The following ATXN10 variants were observed in gnomAD, a reference collection of about 807,000 sequenced individuals.
ATXN10 encodes ataxin 10, also known as ataxin-10.
In ATXN10, 28 loss-of-function variants were observed where a neutral mutation model predicts 52.9. That is an observed-to-expected ratio of 0.53 (90% CI 0.39 to 0.73). The LOEUF (loss-of-function observed/expected upper bound fraction) is 0.73. ATXN10 is among the 30% of genes least tolerant of loss of function. ATXN10 has a pLI of 0.00. For synonymous variants in ATXN10, 226 were observed against 221.5 expected (o/e 1.02, Z -0.18); for missense variants, 565 against 577.0 (o/e 0.98, Z 0.21).
Position 45,740,711 on chromosome 22 carries a change from CACACACACAT to C in ATXN10, c.1173+175_1173+184del, listed in dbSNP as rs1489905485. ...ACACACACACACACACACACACACA[CACACACACAT>C]ATATATACACACACACACGTGTGTG... On this transcript the variant is annotated intron_variant, in intron 9 of 11. Coordinates refer to ENST00000252934, the MANE Select transcript of ATXN10 (RefSeq NM_013236.4). The C allele has an allele frequency of 1.5e-4, 48 of 327,462 alleles. No individual in the cohort carries two copies. The African/African-American group carries it at 1.5e-3, about 10-fold the overall frequency. The allele number at this position is 327,462 out of a possible 1,614,324, so 20.3% of individuals were successfully genotyped here.
At chr22:45,703,291 A>G (rs9614507) in intron 5 of ATXN10, among the ~76,000 whole-genome samples, 8,317 of 152,200 alleles carry the variant, frequency 0.055, 254 homozygotes, top group African/African-American at 0.083. Flanking sequence ...CCCTTCATAC[A>G]TAATGTGTTA....
chr22:45,759,296 G>T lies in ATXN10; in HGVS notation c.1173+18758G>T, dbSNP rs1926291594. Among the ~76,000 whole-genome samples the T allele has an allele frequency of 6.6e-6, 1 of 152,190 alleles. No homozygotes were observed. Among genetic ancestry groups the T allele is most frequent in the Non-Finnish European group, 1.5e-5 (1 of 68,044 alleles). On this transcript the variant is annotated intron_variant, in intron 9 of 11. Coordinates refer to ENST00000252934, the MANE Select transcript of ATXN10 (RefSeq NM_013236.4). The surrounding 1 kb of genome is among the most constrained non-coding windows in gnomAD (Gnocchi z 5.4). ...GGAGGCTGAGGTGGGCGGATCACCT[G>T]AGGTCAGGAGTTCAAGACCAGCCTG...
At chr22:45,817,527 G>A (rs1392273833) in intron 10 of ATXN10, among the ~76,000 whole-genome samples, 5 of 152,092 alleles carry the variant, frequency 3.3e-5, no homozygotes, top group East Asian at 1.9e-4. Context: ...GTTTCACCAC[G>A]TTGGCCAGAC....
chr22:45,686,677 G>A (rs1375280494), intron 1 of ATXN10, among the ~76,000 whole-genome samples: 1 of 152,044 alleles, frequency 6.6e-6, no homozygotes, highest in East Asian at 1.9e-4. Flanking sequence ...AAATTAGCCG[G>A]GCGTGGTGGC....
rs556297814 is a variant in ATXN10, at chr22:45,710,559, T to G, written c.647+7712T>G. Among the ~76,000 whole-genome samples the G allele has an allele frequency of 3.3e-5, 5 of 152,326 alleles. No individual in the cohort carries two copies. The East Asian group carries it at 9.6e-4, about 29-fold the overall frequency. On this transcript the variant is annotated intron_variant, in intron 5 of 11. Coordinates refer to ENST00000252934, the MANE Select transcript of ATXN10 (RefSeq NM_013236.4). ...TTGGTTGCTAGAATGTAGGACTAGC[T>G]CCATAAGGCCCTGGAGTTTGTCCTG...
rs1928065829 is a variant in ATXN10 at position 45,805,362 on chromosome 22, A to G, written c.1174-1597A>G. 1.3e-5 allele frequency among the ~76,000 whole-genome samples: 2 copies of G among 152,240 alleles called. No individual in the cohort carries two copies. The highest frequency in any genetic ancestry group is 4.1e-4 in the South Asian group (2 of 4,822). ...TTGACTCCTAGGTATATACCCAAGAACAATGAATACTTATATCCACTCAAA... is the reference window on the plus strand; with the variant it reads ...TTGACTCCTAGGTATATACCCAAGAGCAATGAATACTTATATCCACTCAAA... On this transcript the variant is annotated intron_variant, in intron 9 of 11. Coordinates refer to ENST00000252934, the MANE Select transcript of ATXN10 (RefSeq NM_013236.4). This position sits in a 1 kb window ranked among gnomAD's most constrained non-coding sequence, Gnocchi z 4.4.
At chr22:45,740,720 A>ACGTGTGTGTGTGTGTG in intron 9 of ATXN10, 182 bp downstream of exon 9, 1 of 413,044 alleles carries the variant, frequency 2.4e-6, no homozygotes, top group Non-Finnish European at 4.2e-6. Context: ...ACACACACAC[A>ACGTGTGTGTGTGTGTG]TATATATACA....
Position 45,790,793 on chromosome 22 carries a change from C to T in ATXN10, c.1174-16166C>T, listed in dbSNP as rs1927481420. ...TAGAACACAGTGCGTTTTCATTCCT[C>T]TTTATATCTTTTTATCCTGACCTTC... On this transcript the variant is annotated intron_variant, in intron 9 of 11. Transcript: ENST00000252934. This position sits in a 1 kb window ranked among gnomAD's most constrained non-coding sequence, Gnocchi z 4.7. 6.6e-6 allele frequency among the ~76,000 whole-genome samples: 1 copy of T among 152,200 alleles called. No homozygotes were observed. Among genetic ancestry groups the T allele is most frequent in the African/African-American group, 2.4e-5 (1 of 41,450 alleles).
chr22:45,712,094 A>G lies in ATXN10; in HGVS notation c.648-6319A>G, dbSNP rs1924271756. On this transcript the variant is annotated intron_variant, in intron 5 of 11. Transcript: ENST00000252934. The surrounding 1 kb of genome is among the most constrained non-coding windows in gnomAD (Gnocchi z 4.6). ...GGTAATAACCAGATGGATGTTTTTGAGGCATGCAAGTGGCTCTTTTTGGGT... is the reference window on the plus strand; with the variant it reads ...GGTAATAACCAGATGGATGTTTTTGGGGCATGCAAGTGGCTCTTTTTGGGT... 6.6e-6 allele frequency among the ~76,000 whole-genome samples: 1 copy of G among 152,184 alleles called. No individual in the cohort carries two copies. The highest frequency in any genetic ancestry group is 2.4e-5 in the African/African-American group (1 of 41,450).
At position 45,757,695 on chromosome 22, in the gene ATXN10, A is replaced by C. The variant is rs1483770479; in HGVS notation, c.1173+17157A>C. On this transcript the variant is annotated intron_variant, in intron 9 of 11. Coordinates refer to ENST00000252934, the MANE Select transcript of ATXN10 (RefSeq NM_013236.4). This position sits in a 1 kb window ranked among gnomAD's most constrained non-coding sequence, Gnocchi z 4.6. ...ACACATAGGATTCAATACATTTTTC[A>C]TATGCTGACCTTATAAGTCATATTG... 6.6e-6 allele frequency among the ~76,000 whole-genome samples: 1 copy of C among 152,076 alleles called. No individual in the cohort carries two copies. Among genetic ancestry groups the C allele is most frequent in the Non-Finnish European group, 1.5e-5 (1 of 68,032 alleles).
At chr22:45,717,154 T>TCTTCTTGCCCCCTGTCTGTCACC (rs1924479644) in intron 5 of ATXN10, among the ~76,000 whole-genome samples, 3 of 152,186 alleles carry the variant, frequency 2.0e-5, no homozygotes, top group African/African-American at 7.2e-5. Context: ...GCCTGTTTGA[T>TCTTCTTGCCCCCTGTCTGTCACC]CTTCTTGCCC....
chr22:45,800,752 A>G (rs136011), intron 9 of ATXN10, among the ~76,000 whole-genome samples: 10,352 of 152,320 alleles, frequency 0.068, 1,062 homozygotes, highest in African/African-American at 0.23. Context: ...GAAATAAACA[A>G]AAATCAATGA....
At position 45,769,964 on chromosome 22, in the gene ATXN10, A is replaced by T. The variant is rs1926719079; in HGVS notation, c.1173+29426A>T. 6.6e-6 allele frequency among the ~76,000 whole-genome samples: 1 copy of T among 152,232 alleles called. No individual in the cohort carries two copies. Among genetic ancestry groups the T allele is most frequent in the South Asian group, 2.1e-4 (1 of 4,836 alleles). ...TTGTCACTCTATAAATACAGTTCTAAATAAAGGTTCTCAGATGCAGTTTCA... is the reference window on the plus strand; with the variant it reads ...TTGTCACTCTATAAATACAGTTCTATATAAAGGTTCTCAGATGCAGTTTCA... On this transcript the variant is annotated intron_variant, in intron 9 of 11. Coordinates refer to ENST00000252934, the MANE Select transcript of ATXN10 (RefSeq NM_013236.4). The surrounding 1 kb of genome is among the most constrained non-coding windows in gnomAD (Gnocchi z 4.2).
At chr22:45,793,585 C>A in intron 9 of ATXN10, 2 of 1,310,694 alleles carry the variant, frequency 1.5e-6, no homozygotes. Context: ...AATTCTGGAG[C>A]CTGCACCTTC....
chr22:45,702,815 T>TG lies in ATXN10; in HGVS notation c.616dup (p.Ala206GlyfsTer7). 6.2e-7 allele frequency: 1 copy of TG among 1,613,966 alleles called. No individual in the cohort carries two copies. The highest frequency in any genetic ancestry group is 1.1e-5 in the South Asian group (1 of 91,072). ...TCAATATTGCAATTGATGTCATAGATGCTTACCAAAAACATCCTGAATCAG... is the reference window on the plus strand; with the variant it reads ...TCAATATTGCAATTGATGTCATAGATGGCTTACCAAAAACATCCTGAATCAG... On this transcript the variant is annotated frameshift_variant, in exon 5 of 12. Transcript: ENST00000252934. LOFTEE classifies it high-confidence loss of function.
chr22:45,707,175 T>C (rs933204940), intron 5 of ATXN10, among the ~76,000 whole-genome samples: 2 of 152,202 alleles, frequency 1.3e-5, no homozygotes, highest in Non-Finnish European at 2.9e-5. Context: ...TCCATATCTT[T>C]TGCACATAGT....
rs930956905 is a variant in ATXN10, at chr22:45,774,999, G to T, written c.1174-31960G>T. On this transcript the variant is annotated intron_variant, in intron 9 of 11. Transcript: ENST00000252934. This position sits in a 1 kb window ranked among gnomAD's most constrained non-coding sequence, Gnocchi z 6.2. ...GGAGAAACACTAAAGTTTTTTGTTTGTTTGTTTTGCCTTTTCCCCATCCCT... is the reference window on the plus strand; with the variant it reads ...GGAGAAACACTAAAGTTTTTTGTTTTTTTGTTTTGCCTTTTCCCCATCCCT... Among the ~76,000 whole-genome samples the T allele has an allele frequency of 2.0e-4, 30 of 152,280 alleles. No individual in the cohort carries two copies. Among genetic ancestry groups the T allele is most frequent in the African/African-American group, 7.0e-4 (29 of 41,562 alleles).
Position 45,727,333 on chromosome 22 carries a change from A to C in ATXN10, c.729-2092A>C, listed in dbSNP as rs1015331853. ...TCTGTCTGTCTGTCTATCTATCTAT[A>C]TCTATCTATCTATCTATCTATCTAT... On this transcript the variant is annotated intron_variant, in intron 6 of 11. Transcript: ENST00000252934. This position sits in a 1 kb window ranked among gnomAD's most constrained non-coding sequence, Gnocchi z 4.6. 6.1e-5 allele frequency among the ~76,000 whole-genome samples: 9 copies of C among 148,330 alleles called. No homozygotes were observed. The highest frequency in any genetic ancestry group is 2.0e-4 in the African/African-American group (8 of 40,038).
rs931091456 is a variant in ATXN10, at chr22:45,684,800, G to A, written c.117-4912G>A. 3.3e-5 allele frequency among the ~76,000 whole-genome samples: 5 copies of A among 152,196 alleles called. No homozygotes were observed. The highest frequency in any genetic ancestry group is 7.3e-5 in the Non-Finnish European group (5 of 68,040). ...TGTGAAAAGAAGTTTTGAGTTCTGC[G>A]CAGATTTCAAAATTTTACCCTAGGC... On this transcript the variant is annotated intron_variant, in intron 1 of 11. Coordinates refer to ENST00000252934, the MANE Select transcript of ATXN10 (RefSeq NM_013236.4). The surrounding 1 kb of genome is among the most constrained non-coding windows in gnomAD (Gnocchi z 4.1).
Sources: gnomAD v4.1 joint callset for allele counts (sites outside exome capture counted in the v4.1 genomes callset) on GRCh38, gnomAD v4.1.1 for gene constraint, Gnocchi (gnomAD v3.1) non-coding constraint, MANE v1.5 for transcripts, NCBI Gene and HGNC (gene_info 2026-07-23, HGNC 2026-07-21) for gene names.